Variants in EOGT observed in about 807,000 individuals in gnomAD.
EOGT encodes the protein EGF domain specific O-linked N-acetylglucosamine transferase.
EOGT carries 55 observed loss-of-function variants against 70.5 expected under a neutral mutation model. The observed-to-expected ratio is 0.78, with a 90% CI of 0.63 to 0.98. The LOEUF is 0.98. EOGT is among the 50% of genes least tolerant of loss of function. The pLI, the probability that EOGT is intolerant of heterozygous loss-of-function variation, is 0.00. For synonymous variants in EOGT, 246 were observed against 217.1 expected (o/e 1.13, Z -1.17); for missense variants, 703 against 641.9 (o/e 1.10, Z -1.03).
At chr3:68,987,547 C>G in intron 13 of EOGT, 34 bp from the exon 14 acceptor site, 1 of 1,520,746 alleles carries the variant, frequency 6.6e-7, no homozygotes, top group Non-Finnish European at 9.1e-7. Context: ...AATAACACTG[C>G]ATATGCCTGG....
intron 9 of EOGT, among the ~76,000 whole-genome samples, chr3:69,001,014 C>T (rs975849339): frequency 2.7e-5 from 4 of 149,918 alleles, no homozygotes; most frequent in Admixed American, 6.7e-5. Flanking sequence ...TGGAGTGCAG[C>T]GGCACGATCT....
At chr3:68,979,929 G>T in intron 15 of EOGT, 142 bp from the exon 16 acceptor site, 1 of 768,048 alleles carries the variant, frequency 1.3e-6, no homozygotes, top group Non-Finnish European at 1.9e-6. Flanking sequence ...AAGCATTTTT[G>T]CCAATTTCAA....
chr3:69,012,181 G>A (rs150961222), intron 2 of EOGT, among the ~76,000 whole-genome samples, 190 bp from the exon 3 acceptor site: 1 of 152,260 alleles, frequency 6.6e-6, no homozygotes, highest in East Asian at 1.9e-4. Context: ...CGAGTTCACA[G>A]GCACCACCCC....
At chr3:68,977,836 T>C (rs374926368) in intron 17 of EOGT, 72 bp from the exon 18 acceptor site, 20 of 1,485,338 alleles carry the variant, frequency 1.3e-5, no homozygotes, top group Non-Finnish European at 1.5e-5. Flanking sequence ...AGGAAAATTA[T>C]GTTACTTTGG....
At chr3:69,001,249 C>T (rs556593214) in intron 9 of EOGT, among the ~76,000 whole-genome samples, 43 of 152,178 alleles carry the variant, frequency 2.8e-4, no homozygotes, top group East Asian at 2.7e-3. Context: ...TGAGCCACCG[C>T]GCCCGGCTTA....
intron 16 of EOGT, 49 bp from the exon 17 acceptor site, chr3:68,978,484 T>C (rs1426397661): frequency 7.5e-7 from 1 of 1,338,332 alleles, no homozygotes; most frequent in Non-Finnish European, 1.0e-6. Context: ...CAAGGTTTTT[T>C]CCAAATCAAC....
At position 68,978,253 on chromosome 3, in the gene EOGT, T is replaced by C. The variant is rs893424355; in HGVS notation, c.1437+80A>G. ...TTATCTTTGCAGCACTGAAGTTCAA[T>C]AACCATTTTTCATATCAATAATTGG... On this transcript the variant is annotated intron_variant, in intron 17 of 17. Coordinates refer to ENST00000383701, the MANE Select transcript of EOGT (RefSeq NM_001278689.2). 4 of 1,016,968 alleles carry C rather than the reference T, an allele frequency of 3.9e-6. No homozygotes were observed. In the Admixed American group the frequency reaches 8.6e-5, roughly 22 times the overall value. The allele number at this position is 1,016,968 out of a possible 1,614,324, so 63.0% of individuals were successfully genotyped here.
chr3:68,991,672 A>C (rs1220919938), intron 10 of EOGT, among the ~76,000 whole-genome samples: 1 of 152,210 alleles, frequency 6.6e-6, no homozygotes, highest in Non-Finnish European at 1.5e-5. Context: ...CATATTGGCC[A>C]GGCTCATGGC....
Position 69,004,384 on chromosome 3 carries a change from T to C in EOGT, c.614A>G (p.Gln205Arg). 6.2e-7 allele frequency: 1 copy of C among 1,612,364 alleles called. No homozygotes were observed. Among genetic ancestry groups the C allele is most frequent in the South Asian group, 1.1e-5 (1 of 90,942 alleles). ...TSEGQRKSPLQSWFAELQSYT... is the reference protein window; with the variant it reads ...TSEGQRKSPLRSWFAELQSYT... The stretch of plus-strand genomic sequence containing the variant: ...TACGTTAAAAATATCTTACCATGAC[T>C]GCAGAGGGCTTTTGCGCTGACCTTC... Residue 205 changes from glutamine (Q) to arginine (R), a missense_variant, in exon 8 of 18, where the codon CAG becomes CGG. Physicochemically the swap from Gln to Arg is conservative, Grantham distance 43. Transcript: ENST00000383701.
At chr3:69,005,040 C>G in intron 7 of EOGT, 100 bp downstream of exon 7, 1 of 670,584 alleles carries the variant, frequency 1.5e-6, no homozygotes, top group Non-Finnish European at 2.5e-6. Flanking sequence ...CCAGCCTGGG[C>G]AACAGAGCAA....
intron 16 of EOGT, 132 bp downstream of exon 16, chr3:68,979,536 A>G: frequency 1.0e-6 from 1 of 999,098 alleles, no homozygotes; most frequent in East Asian, 3.0e-5. Context: ...TTCTTTCCAG[A>G]TTGTCTATAT....
rs768997693 is a variant in EOGT at position 69,009,689 on chromosome 3, T to A, written c.158A>T (p.Asn53Ile). Reference protein sequence around the residue: ...PEEHIPFFLHNNRHIATVCRK... With the variant: ...PEEHIPFFLHINRHIATVCRK... Reference sequence around the variant, plus strand: ...ACAGACAGTGGCAATATGCCTATTGTTGTGCAAAAAGAAGGGAATGTGCTC... The same window carrying A: ...ACAGACAGTGGCAATATGCCTATTGATGTGCAAAAAGAAGGGAATGTGCTC... The change falls in exon 4 of 18, where the codon AAC becomes ATC. Residue 53 changes from asparagine to isoleucine, a missense_variant. By Grantham distance (149) the Asn-to-Ile change is moderately radical (BLOSUM62 -3). Transcript: ENST00000383701. 1.9e-6 allele frequency: 3 copies of A among 1,614,048 alleles called. No individual in the cohort carries two copies. The highest frequency in any genetic ancestry group is 2.5e-6 in the Non-Finnish European group (3 of 1,180,014).
intron 9 of EOGT, 136 bp from the exon 10 acceptor site, chr3:68,998,250 T>A: frequency 1.7e-6 from 1 of 602,340 alleles, no homozygotes; most frequent in Non-Finnish European, 2.9e-6. Flanking sequence ...CTGTTTTGTT[T>A]TTCCAAACAT....
chr3:68,993,243 C>T (rs9838206), intron 10 of EOGT, among the ~76,000 whole-genome samples: 2,943 of 152,230 alleles, frequency 0.019, 103 homozygotes, highest in African/African-American at 0.068. Context: ...GCTCTGTTTC[C>T]CTTTTAAAAC....
intron 9 of EOGT, among the ~76,000 whole-genome samples, chr3:69,001,356 C>G (rs1405114737): frequency 6.6e-6 from 1 of 152,080 alleles, no homozygotes; most frequent in African/African-American, 2.4e-5. Flanking sequence ...ATAAATATGC[C>G]TTCACCTCTC....
chr3:69,011,193 C>CTCTTTTTTTT (rs745735404), intron 3 of EOGT, among the ~76,000 whole-genome samples: 19 of 113,300 alleles, frequency 1.7e-4, no homozygotes, highest in Non-Finnish European at 3.3e-4. Context: ...GATCTTTGTT[C>CTCTTTTTTTT]TTTTTTTTTT....
At chr3:69,001,180 G>T (rs2091285245) in intron 9 of EOGT, among the ~76,000 whole-genome samples, 1 of 151,930 alleles carries the variant, frequency 6.6e-6, no homozygotes, top group Non-Finnish European at 1.5e-5. Context: ...GGATGGTCTC[G>T]ATCTCCTGAC....
rs1057083380 is a variant in EOGT, at chr3:69,007,525, G to A, written c.420+188C>T. Among the ~76,000 whole-genome samples the A allele has an allele frequency of 1.6e-4, 23 of 142,034 alleles. 1 individual carries two copies. Among genetic ancestry groups the A allele is most frequent in the East Asian group, 4.1e-4 (2 of 4,892 alleles). 93.2% of individuals were successfully genotyped at this position (142,034 alleles called of 152,430 possible). On this transcript the variant is annotated intron_variant, in intron 6 of 17. Coordinates refer to ENST00000383701, the MANE Select transcript of EOGT (RefSeq NM_001278689.2). ...AAATTAGCGGGGGGGGGTGGCACGCGCCTGTAATCCAAGCTACTCAGGAGG... is the reference window on the plus strand; with the variant it reads ...AAATTAGCGGGGGGGGGTGGCACGCACCTGTAATCCAAGCTACTCAGGAGG...
In EOGT at chr3:69,008,446, C is replaced by T. The variant is rs777150936; in HGVS notation, c.293G>A (p.Ser98Asn). ...PEFRFGYPVC[S>N]YVDMGWTDTL... ...AACTTACCATCCCATGTCGACATAG[C>T]TGCAAACTGGGTAACCAAACCTGAA... Residue 98 changes from serine (S) to asparagine (N), a missense_variant, in exon 5 of 18, where the codon AGC (serine) becomes AAC (asparagine). Physicochemically the swap from Ser to Asn is conservative, Grantham distance 46. Transcript: ENST00000383701. The T allele has an allele frequency of 3.7e-6, 6 of 1,613,882 alleles. No homozygotes were observed. The highest frequency in any genetic ancestry group is 3.3e-5 in the South Asian group (3 of 91,076).
Sources: allele counts gnomAD v4.1 joint callset (sites outside exome capture counted in the v4.1 genomes callset), GRCh38; gene constraint gnomAD v4.1.1; transcripts MANE v1.5; gene names NCBI Gene and HGNC (gene_info 2026-07-23, HGNC 2026-07-21).